Variants in SSU72 observed in about 807,000 individuals in gnomAD.
SSU72 encodes the protein RNA polymerase II subunit A C-terminal domain phosphatase SSU72.
A neutral mutation model predicts 22.7 loss-of-function variants in SSU72; 12 were observed. That is an observed-to-expected ratio of 0.53 (90% CI 0.34 to 0.86). The LOEUF (loss-of-function observed/expected upper bound fraction) is 0.86. Among genes scored for constraint, SSU72 ranks in the 40% least tolerant of loss-of-function variants. The pLI is 0.02. For missense variants in SSU72, 151 were observed against 249.8 expected (o/e 0.60, Z 2.67); for synonymous variants, 116 against 98.3 (o/e 1.18, Z -1.06).
Position 1,545,259 on chromosome 1 carries a change from G to A in SSU72, c.225-257C>T, listed in dbSNP as rs112140526. On this transcript the variant is annotated intron_variant, in intron 2 of 4. Transcript: ENST00000291386. Reference sequence around the variant, plus strand: ...AACTCGGCAAAAAGACCCAAGGCCCGCAGGACACCCCCCGCCCCCGCCCAG... The same window carrying A: ...AACTCGGCAAAAAGACCCAAGGCCCACAGGACACCCCCCGCCCCCGCCCAG... 2.1e-3 allele frequency: 964 copies of A among 467,604 alleles called. 13 individuals carry two copies. The highest frequency in any genetic ancestry group is 0.017 in the African/African-American group (845 of 50,776). The allele number at this position is 467,604 out of a possible 1,614,324, so 29.0% of individuals were successfully genotyped here.
intron 2 of SSU72, among the ~76,000 whole-genome samples, chr1:1,559,621 A>G (rs963392106): frequency 1.1e-4 from 16 of 152,146 alleles, no homozygotes; most frequent in African/African-American, 3.6e-4. Flanking sequence ...GTCCAACAGC[A>G]CAATCTCAGC....
rs1226980688 is a variant in SSU72, at chr1:1,564,862, T to C, written c.135A>G (p.Pro45=). The change falls in exon 2 of 5, where the codon CCA becomes CCG. Residue 45 remains proline (P), a synonymous_variant. Transcript: ENST00000291386. Reference sequence around the variant, plus strand: ...CATTGGGCTTGTCGGGAGCTGGTCCTGGAAGCTTCACGTGAGTCCCTGTTC... The same window carrying C: ...CATTGGGCTTGTCGGGAGCTGGTCCCGGAAGCTTCACGTGAGTCCCTGTTC... ...SFGTGTHVKL[P]GPAPDKPNVY... 7 of 1,613,992 alleles carry C rather than the reference T, an allele frequency of 4.3e-6. No homozygotes were observed. Among genetic ancestry groups the C allele is most frequent in the African/African-American group, 1.3e-5 (1 of 74,928 alleles).
chr1:1,566,093 T>A (rs113691026), intron 1 of SSU72, among the ~76,000 whole-genome samples: 14 of 148,808 alleles, frequency 9.4e-5, no homozygotes, highest in African/African-American at 3.2e-4. Flanking sequence ...CCAGCTCCGT[T>A]TCTACTAAAA....
intron 2 of SSU72, among the ~76,000 whole-genome samples, chr1:1,547,772 C>T (rs1642409975): frequency 6.6e-6 from 1 of 152,316 alleles, no homozygotes; most frequent in Admixed American, 6.5e-5. Flanking sequence ...CGAGAGCCTG[C>T]TCTTCAAGTC....
In SSU72 at chr1:1,542,093, G is replaced by A; in HGVS notation, c.558C>T (p.Thr186=). 6.3e-7 allele frequency: 1 copy of A among 1,589,536 alleles called. No homozygotes were observed. The change falls in exon 5 of 5, where the codon ACC becomes ACT. Residue 186 remains threonine (T), a synonymous_variant. Transcript: ENST00000291386. The surrounding 1 kb of genome is among the most constrained non-coding windows in gnomAD (Gnocchi z 4.4). Reference sequence around the variant, plus strand: ...AGTAGAAGCAGACGGTGTGCAGAAAGGTGCGGCCACTCTTCTCCTCGAACT... The same window carrying A: ...AGTAGAAGCAGACGGTGTGCAGAAAAGTGCGGCCACTCTTCTCCTCGAACT... The part of the protein sequence containing the change: ...LQEFEEKSGR[T]FLHTVCFY
At chr1:1,559,246 A>T (rs553440668) in intron 2 of SSU72, among the ~76,000 whole-genome samples, 2 of 152,194 alleles carry the variant, frequency 1.3e-5, no homozygotes, top group Non-Finnish European at 2.9e-5. Context: ...TAGCACGGGA[A>T]GCAGCTAAAC....
At position 1,566,747 on chromosome 1, in the gene SSU72, G is replaced by A. The variant is rs561715207; in HGVS notation, c.81-1831C>T. 2.6e-5 allele frequency among the ~76,000 whole-genome samples: 4 copies of A among 152,104 alleles called. No individual in the cohort carries two copies. The South Asian group carries it at 6.2e-4, about 24-fold the overall frequency. On this transcript the variant is annotated intron_variant, in intron 1 of 4. Transcript: ENST00000291386. ...GGCGCTTTTATAGTCCCAGCTACTC[G>A]GGAGGCTGAGGCAGGAGAATGACTT...
At chr1:1,548,193 G>A (rs538445853) in intron 2 of SSU72, among the ~76,000 whole-genome samples, 86 of 152,310 alleles carry the variant, frequency 5.6e-4, no homozygotes, top group South Asian at 2.7e-3. Flanking sequence ...GTTCAGTAGA[G>A]GGCGGCCAAC....
At position 1,541,701 on chromosome 1, in the gene SSU72, C is replaced by G. The variant is rs1186624048; in HGVS notation, c.*365G>C. ...CAGCAGCATCTGTTTATTGACAATTCCAGGTCATTCCTAACACGCCGCAGC... is the reference window on the plus strand; with the variant it reads ...CAGCAGCATCTGTTTATTGACAATTGCAGGTCATTCCTAACACGCCGCAGC... On this transcript the variant is annotated 3_prime_UTR_variant, in exon 5 of 5. Transcript: ENST00000291386. 4.1e-6 allele frequency: 1 copy of G among 242,118 alleles called. No homozygotes were observed. Among genetic ancestry groups the G allele is most frequent in the Non-Finnish European group, 8.2e-6 (1 of 121,342 alleles). 15.0% of individuals were successfully genotyped at this position (242,118 alleles called of 1,614,324 possible). A position where few individuals can be genotyped will look rare whatever the true frequency, so the allele number is the denominator to read the frequency against.
intron 2 of SSU72, among the ~76,000 whole-genome samples, chr1:1,552,498 G>T (rs529497066): frequency 1.3e-5 from 2 of 152,330 alleles, no homozygotes; most frequent in Admixed American, 1.3e-4. Flanking sequence ...CTTGGTGCCT[G>T]AGCTGTGCCC....
At chr1:1,544,842 A>G in intron 3 of SSU72, 21 bp downstream of exon 3, 1 of 1,614,064 alleles carries the variant, frequency 6.2e-7, no homozygotes, top group African/African-American at 1.3e-5. Context: ...AGCCCAGCCC[A>G]GCACGCAGCC....
chr1:1,546,772 G>A (rs776390052), intron 2 of SSU72, among the ~76,000 whole-genome samples: 100 of 149,658 alleles, frequency 6.7e-4, no homozygotes, highest in Admixed American at 1.6e-3. Flanking sequence ...CAACCCGGGC[G>A]GCGGAGGTTG....
rs949503922 is a variant in SSU72, at chr1:1,566,423, G to A, written c.81-1507C>T. Among the ~76,000 whole-genome samples, 5 of 149,024 alleles carry A rather than the reference G, an allele frequency of 3.4e-5. No individual in the cohort carries two copies. In the East Asian group the frequency reaches 7.7e-4, roughly 23 times the overall value. On this transcript the variant is annotated intron_variant, in intron 1 of 4. Coordinates refer to ENST00000291386, the MANE Select transcript of SSU72 (RefSeq NM_014188.3). ...TGAAGGAATCTGCCTGGCTCAGGGC[G>A]CAGGGCGCACATACACTTCCATTAA...
rs1031741178 is a variant in SSU72 at position 1,554,571 on chromosome 1, C to T, written c.225-9569G>A. On this transcript the variant is annotated intron_variant, in intron 2 of 4. Coordinates refer to ENST00000291386, the MANE Select transcript of SSU72 (RefSeq NM_014188.3). This position sits in a 1 kb window ranked among gnomAD's most constrained non-coding sequence, Gnocchi z 4.1. ...CCTAGGGGCCTTAGTGGGACCAGAA[C>T]ATCCCGGGGAGTTAGAATGAGCGCA... Among the ~76,000 whole-genome samples, 4 of 152,184 alleles carry T rather than the reference C, an allele frequency of 2.6e-5. No homozygotes were observed. The highest frequency in any genetic ancestry group is 1.3e-4 in the Admixed American group (2 of 15,276).
rs866870733 is a variant in SSU72, at chr1:1,568,499, G to A, written c.81-3583C>T. ...CGCGCCTGTAATCCCAGTTACTCCG[G>A]AGGCTGAGGCTGGAGAATCGCTTGA... is the stretch of plus-strand genomic sequence containing the variant. On this transcript the variant is annotated intron_variant, in intron 1 of 4. Transcript: ENST00000291386. 7.2e-4 allele frequency among the ~76,000 whole-genome samples: 109 copies of A among 152,068 alleles called. 1 individual carries two copies. Among genetic ancestry groups the A allele is most frequent in the Admixed American group, 3.1e-3 (48 of 15,270 alleles).
intron 2 of SSU72, among the ~76,000 whole-genome samples, chr1:1,559,423 G>A (rs758592719): frequency 7.2e-5 from 11 of 152,136 alleles, no homozygotes; most frequent in African/African-American, 9.7e-5. Context: ...CTGGACACGC[G>A]ACTCAGGGAA....
At chr1:1,571,126 T>A (rs1455785440) in intron 1 of SSU72, among the ~76,000 whole-genome samples, 1 of 151,656 alleles carries the variant, frequency 6.6e-6, no homozygotes, top group Non-Finnish European at 1.5e-5. Context: ...GTGCCTGTAG[T>A]CCCAGTTACT....
chr1:1,552,937 A>G (rs1221229446), intron 2 of SSU72, among the ~76,000 whole-genome samples: 1 of 149,696 alleles, frequency 6.7e-6, no homozygotes, highest in Non-Finnish European at 1.5e-5. Context: ...AGGAGAAACT[A>G]TTGAACCCAC....
Position 1,545,113 on chromosome 1 carries a change from G to A in SSU72, c.225-111C>T, listed in dbSNP as rs148227230. The stretch of plus-strand genomic sequence containing the variant: ...TCCCTGCCCCACAGCAGAGGCAGCC[G>A]GGACGAAGGCCTGGACAGCGGAGTG... On this transcript the variant is annotated intron_variant, in intron 2 of 4. Coordinates refer to ENST00000291386, the MANE Select transcript of SSU72 (RefSeq NM_014188.3). 1.4e-3 allele frequency: 1,817 copies of A among 1,334,382 alleles called. 21 individuals are homozygous for A. In the African/African-American group the frequency reaches 0.022, roughly 16 times the overall value. The allele number at this position is 1,334,382 out of a possible 1,614,324, so 82.7% of individuals were successfully genotyped here.
Sources: gnomAD v4.1 joint callset for allele counts (sites outside exome capture counted in the v4.1 genomes callset) on GRCh38, gnomAD v4.1.1 for gene constraint, Gnocchi (gnomAD v3.1) non-coding constraint, MANE v1.5 for transcripts, NCBI Gene and HGNC (gene_info 2026-07-23, HGNC 2026-07-21) for gene names.